RALYL: variants seen among roughly 807,000 people sequenced by gnomAD.
RALYL encodes the protein RALY RNA binding protein like.
Under a neutral mutation model 35.1 loss-of-function variants are expected in RALYL, and 29 were observed. The ratio of observed to expected loss-of-function variants is 0.83; its 90% CI spans 0.61 to 1.13. The LOEUF is 1.13. RALYL is among the 50% of genes most tolerant of loss of function. RALYL has a pLI of 0.00. For synonymous variants in RALYL, 120 were observed against 127.6 expected (o/e 0.94, Z 0.40); for missense variants, 359 against 360.4 (o/e 1.00, Z 0.03).
chr8:84,648,396 T>G (rs1427118495), intron 2 of RALYL, among the ~76,000 whole-genome samples: 1 of 152,098 alleles, frequency 6.6e-6, no homozygotes, highest in Non-Finnish European at 1.5e-5. Flanking sequence ...TCAGTACTAA[T>G]TTGCATGTGG....
At chr8:84,238,964 T>C (rs1045154866) in intron 1 of RALYL, among the ~76,000 whole-genome samples, 2 of 152,224 alleles carry the variant, frequency 1.3e-5, no homozygotes, top group Non-Finnish European at 2.9e-5. Flanking sequence ...GTGGTTCTAC[T>C]GTGGACCATG....
intron 2 of RALYL, among the ~76,000 whole-genome samples, chr8:84,540,414 T>A (rs571111981): frequency 6.6e-6 from 1 of 152,102 alleles, no homozygotes; most frequent in Admixed American, 6.6e-5. Context: ...CAGGAAATCA[T>A]GATGAATTTT....
chr8:84,514,482 T>C (rs2057900482), intron 1 of RALYL, among the ~76,000 whole-genome samples: 1 of 152,182 alleles, frequency 6.6e-6, no homozygotes, highest in African/African-American at 2.4e-5. Flanking sequence ...TCTGTGTCTG[T>C]TGAGGGCCCA....
intron 1 of RALYL, chr8:84,185,336 TGTACAGGGCAGGAGTGAGGGGTTG>T: frequency 9.7e-6 from 4 of 412,896 alleles, no homozygotes; most frequent in Non-Finnish European, 1.3e-5. Flanking sequence ...CTGAGAACTG[TGTACAGGGCAGGAGTGAGGGGTTG>T]GTGATAGAGG....
intron 6 of RALYL, among the ~76,000 whole-genome samples, chr8:84,866,367 CT>C (rs1439994501): frequency 2.0e-5 from 3 of 152,162 alleles, no homozygotes; most frequent in Non-Finnish European, 4.4e-5. Flanking sequence ...AAATAATATA[CT>C]GTGTATCCAA....
intron 2 of RALYL, among the ~76,000 whole-genome samples, chr8:84,535,101 G>A (rs184445102): frequency 6.6e-6 from 1 of 152,144 alleles, no homozygotes; most frequent in Non-Finnish European, 1.5e-5. Flanking sequence ...CATTGTCAAA[G>A]TTCTTTCATG....
At chr8:84,394,448 G>A (rs1035625195) in intron 1 of RALYL, among the ~76,000 whole-genome samples, 2 of 152,062 alleles carry the variant, frequency 1.3e-5, no homozygotes, top group Non-Finnish European at 2.9e-5. Context: ...AAATTGTTAT[G>A]AAGCTGAAAG....
At chr8:84,214,159 T>C (rs1033191051) in intron 1 of RALYL, among the ~76,000 whole-genome samples, 4 of 152,078 alleles carry the variant, frequency 2.6e-5, no homozygotes, top group Non-Finnish European at 5.9e-5. Context: ...TTACCTTAGG[T>C]TGTTAGGTTG....
intron 2 of RALYL, among the ~76,000 whole-genome samples, chr8:84,544,411 C>T (rs918705546): frequency 6.6e-6 from 1 of 151,782 alleles, no homozygotes; most frequent in Non-Finnish European, 1.5e-5. Context: ...GTTAAACATA[C>T]TTTTATCCAT....
At chr8:84,376,783 G>C (rs1395532801) in intron 1 of RALYL, among the ~76,000 whole-genome samples, 1 of 151,790 alleles carries the variant, frequency 6.6e-6, no homozygotes, top group African/African-American at 2.4e-5. Context: ...TCTGATTAAA[G>C]TTCATATTAG....
intron 2 of RALYL, among the ~76,000 whole-genome samples, chr8:84,530,145 G>GT (rs935828689): frequency 9.9e-5 from 15 of 151,772 alleles, no homozygotes; most frequent in African/African-American, 3.1e-4. Flanking sequence ...AAATAATATA[G>GT]TTTTTTTCAA....
At chr8:84,801,838 G>A (rs79597773) in intron 3 of RALYL, among the ~76,000 whole-genome samples, 7,929 of 152,208 alleles carry the variant, frequency 0.052, 659 homozygotes, top group African/African-American at 0.18. Context: ...ATGAAATCAA[G>A]AAAGGTGGTA....
chr8:84,753,971 C>A (rs1472443997), intron 2 of RALYL, among the ~76,000 whole-genome samples: 1 of 151,926 alleles, frequency 6.6e-6, no homozygotes, highest in Non-Finnish European at 1.5e-5. Flanking sequence ...CCTTCGCCCA[C>A]TTTTTGATGG....
intron 2 of RALYL, among the ~76,000 whole-genome samples, chr8:84,613,191 G>A (rs72679385): frequency 0.2 from 29,558 of 151,430 alleles, 3,288 homozygotes; most frequent in Non-Finnish European, 0.23. Flanking sequence ...TACAGTCTGA[G>A]ACCTGAAAGC....
chr8:84,593,629 G>A (rs1813812503), intron 2 of RALYL, among the ~76,000 whole-genome samples: 1 of 152,004 alleles, frequency 6.6e-6, no homozygotes, highest in Non-Finnish European at 1.5e-5. Context: ...AGGCATTTGT[G>A]GTTTTAAGAG....
At chr8:84,401,370 G>C (rs964704425) in intron 1 of RALYL, among the ~76,000 whole-genome samples, 3 of 151,962 alleles carry the variant, frequency 2.0e-5, no homozygotes, top group Admixed American at 6.6e-5. Flanking sequence ...AGGCGCGATG[G>C]CTCACACCTG....
At chr8:84,566,561 G>A (rs73294038) in intron 2 of RALYL, among the ~76,000 whole-genome samples, 7,507 of 151,420 alleles carry the variant, frequency 0.05, 410 homozygotes, top group African/African-American at 0.13. Flanking sequence ...TACTACAAAT[G>A]TATATTGACT....
At chr8:84,617,210 G>C (rs1191342480) in intron 2 of RALYL, among the ~76,000 whole-genome samples, 59 of 151,380 alleles carry the variant, frequency 3.9e-4, no homozygotes, top group Middle Eastern at 3.4e-3. Context: ...GATATTGATT[G>C]TTCCTACCCA....
intron 1 of RALYL, among the ~76,000 whole-genome samples, chr8:84,264,542 C>G: frequency 6.8e-6 from 1 of 146,298 alleles, no homozygotes; most frequent in East Asian, 2.0e-4. Flanking sequence ...AAGATTTTCT[C>G]CTACTCTGTT....
Sources: allele counts gnomAD v4.1 joint callset (sites outside exome capture counted in the v4.1 genomes callset), GRCh38; gene constraint gnomAD v4.1.1; transcripts MANE v1.5; gene names NCBI Gene and HGNC (gene_info 2026-07-23, HGNC 2026-07-21).